Variants in CCDC38 observed in about 807,000 individuals in gnomAD.
CCDC38 encodes coiled-coil domain containing 38, also known as coiled-coil domain-containing protein 38.
Under a neutral mutation model 72.8 loss-of-function variants are expected in CCDC38, and 69 were observed. The observed-to-expected ratio is 0.95, with a 90% CI of 0.78 to 1.16. The LOEUF (loss-of-function observed/expected upper bound fraction) is 1.16. CCDC38 is among the 50% of genes most tolerant of loss of function. The pLI is 0.00. For missense variants in CCDC38, 626 were observed against 638.9 expected (o/e 0.98, Z 0.22); for synonymous variants, 201 against 213.2 (o/e 0.94, Z 0.50).
chr12:95,883,343 G>A (rs2079722324), intron 10 of CCDC38, among the ~76,000 whole-genome samples: 1 of 152,166 alleles, frequency 6.6e-6, no homozygotes, highest in Non-Finnish European at 1.5e-5. Context: ...CAAAGCACAG[G>A]CTGCTTAGGT....
At chr12:95,897,557 C>T (rs1182905797) in intron 7 of CCDC38, among the ~76,000 whole-genome samples, 2 of 148,578 alleles carry the variant, frequency 1.3e-5, no homozygotes, top group Non-Finnish European at 3.0e-5. Context: ...TTTCAGTGAG[C>T]CGAGATCATG....
chr12:95,941,882 T>C (rs548419181), intron 1 of CCDC38, among the ~76,000 whole-genome samples: 8 of 147,994 alleles, frequency 5.4e-5, no homozygotes, highest in Non-Finnish European at 1.0e-4. Context: ...AGGGTCTCTT[T>C]CACTCACATT....
intron 4 of CCDC38, among the ~76,000 whole-genome samples, chr12:95,914,711 C>A (rs2080127311): frequency 6.6e-6 from 1 of 152,086 alleles, no homozygotes; most frequent in Admixed American, 6.5e-5. Flanking sequence ...AAATTAAAAT[C>A]TAAATATTTT....
intron 2 of CCDC38, among the ~76,000 whole-genome samples, chr12:95,925,187 C>T (rs1196935206): frequency 2.0e-5 from 3 of 152,178 alleles, no homozygotes; most frequent in Non-Finnish European, 2.9e-5. Flanking sequence ...GAATGTTCTT[C>T]CATTTGTTTG....
At chr12:95,904,326 T>C (rs1261954313) in intron 5 of CCDC38, among the ~76,000 whole-genome samples, 3 of 152,242 alleles carry the variant, frequency 2.0e-5, no homozygotes, top group Non-Finnish European at 4.4e-5. Flanking sequence ...GAAAATTTCA[T>C]ATCATAGTCC....
In CCDC38 at chr12:95,867,196, C is replaced by T; in HGVS notation, c.1579-7G>A. On this transcript the variant is annotated splice_region_variant and splice_polypyrimidine_tract_variant and intron_variant, in intron 15 of 15. Transcript: ENST00000344280. ...AGACAAGTCGTCTTCCCAACTGAAA[C>T]AAAAGAAAAACAAAATACTTAATAT... 1.4e-6 allele frequency: 2 copies of T among 1,466,348 alleles called. No homozygotes were observed. The highest frequency in any genetic ancestry group is 1.9e-6 in the Non-Finnish European group (2 of 1,058,162). 90.8% of individuals were successfully genotyped at this position (1,466,348 alleles called of 1,614,324 possible).
rs1292256305 is a variant in CCDC38, at chr12:95,895,008, G to C, written c.753C>G (p.Ile251Met). 3 of 1,607,282 alleles carry C rather than the reference G, an allele frequency of 1.9e-6. No individual in the cohort carries two copies. The highest frequency in any genetic ancestry group is 2.5e-6 in the Non-Finnish European group (3 of 1,177,812). ...AQASKSKANI[I>M]LPKILAKLSL... The stretch of plus-strand genomic sequence containing the variant: ...ACTTACTTGCTAATATTTTTGGAAG[G>C]ATGATATTTGCTTTACTTTTTGATG... Residue 251 changes from isoleucine (I) to methionine (M), a missense_variant, in exon 8 of 16, where the codon ATC (isoleucine) becomes ATG (methionine). Transcript: ENST00000344280.
chr12:95,903,061 C>G (rs2079966173), intron 5 of CCDC38, among the ~76,000 whole-genome samples: 1 of 152,048 alleles, frequency 6.6e-6, no homozygotes, highest in Non-Finnish European at 1.5e-5. Context: ...TTATTTAGGT[C>G]TTTAATTTTT....
At chr12:95,888,273 G>A (rs1487891274) in intron 10 of CCDC38, among the ~76,000 whole-genome samples, 185 bp downstream of exon 10, 1 of 152,174 alleles carries the variant, frequency 6.6e-6, no homozygotes, top group Non-Finnish European at 1.5e-5. Context: ...ATAGCTGTAG[G>A]TACTTAACAA....
At chr12:95,884,694 A>C (rs1451105563) in intron 10 of CCDC38, among the ~76,000 whole-genome samples, 2 of 152,218 alleles carry the variant, frequency 1.3e-5, no homozygotes, top group Admixed American at 6.5e-5. Flanking sequence ...TCCTATTGCC[A>C]GCAGTCCTTG....
At chr12:95,903,090 T>A (rs1281961288) in intron 5 of CCDC38, among the ~76,000 whole-genome samples, 4 of 152,154 alleles carry the variant, frequency 2.6e-5, no homozygotes, top group Non-Finnish European at 5.9e-5. Flanking sequence ...TGTCTTGTAG[T>A]TTTCAGTGTA....
At chr12:95,907,214 T>C (rs1489998728) in intron 4 of CCDC38, among the ~76,000 whole-genome samples, 1 of 141,954 alleles carries the variant, frequency 7.0e-6, no homozygotes, top group African/African-American at 2.7e-5. Flanking sequence ...AAGTCTCCCA[T>C]GTCTACCTCT....
intron 2 of CCDC38, among the ~76,000 whole-genome samples, chr12:95,930,161 A>C (rs1372340264): frequency 6.6e-6 from 1 of 152,130 alleles, no homozygotes; most frequent in Admixed American, 6.5e-5. Context: ...AACCCGCTAC[A>C]CCAAATTTCC....
intron 1 of CCDC38, 48 bp downstream of exon 1, chr12:95,942,383 G>C (rs1324607490): frequency 4.3e-5 from 5 of 115,478 alleles, no homozygotes; most frequent in African/African-American, 1.5e-4. Flanking sequence ...GCTGAGGGGT[G>C]GGAGGGGGCA....
chr12:95,898,323 G>A, intron 7 of CCDC38, 62 bp downstream of exon 7: 1 of 1,461,042 alleles, frequency 6.8e-7, no homozygotes, highest in Non-Finnish European at 9.6e-7. Flanking sequence ...GTCTTACCTG[G>A]CATGAATAGG....
intron 11 of CCDC38, among the ~76,000 whole-genome samples, 166 bp downstream of exon 11, chr12:95,881,318 AC>A (rs376501008): frequency 8.2e-5 from 12 of 146,862 alleles, no homozygotes; most frequent in African/African-American, 2.9e-4. Context: ...ATGTCTTATG[AC>A]AAAGATAGAT....
At chr12:95,881,022 G>C (rs2121430471) in intron 11 of CCDC38, among the ~76,000 whole-genome samples, 1 of 152,192 alleles carries the variant, frequency 6.6e-6, no homozygotes, top group Admixed American at 6.5e-5. Flanking sequence ...GATAAGGTGT[G>C]TAATATACAA....
At chr12:95,897,319 ATTAG>A (rs1325803456) in intron 7 of CCDC38, among the ~76,000 whole-genome samples, 5 of 152,130 alleles carry the variant, frequency 3.3e-5, no homozygotes, top group Admixed American at 2.0e-4. Flanking sequence ...GCTACTTAAA[ATTAG>A]TTAGGCCGGG....
rs762100819 is a variant in CCDC38 at position 95,872,244 on chromosome 12, A to T, written c.1484+11T>A. The T allele has an allele frequency of 5.0e-5, 80 of 1,613,244 alleles. No homozygotes were observed. The highest frequency in any genetic ancestry group is 3.2e-5 in the Non-Finnish European group (38 of 1,179,386). On this transcript the variant is annotated intron_variant, in intron 14 of 15. Transcript: ENST00000344280. ...TACTCATTAAGTCATTCTTATCCTT[A>T]TTGACTGTACTTTTGCCGCCATTCT...
Sources: allele counts gnomAD v4.1 joint callset (sites outside exome capture counted in the v4.1 genomes callset), GRCh38; gene constraint gnomAD v4.1.1; transcripts MANE v1.5; gene names NCBI Gene and HGNC (gene_info 2026-07-23, HGNC 2026-07-21).